AHI1: variants seen among roughly 807,000 people sequenced by gnomAD.
AHI1 encodes the protein Abelson helper integration site 1.
In AHI1, 123 loss-of-function variants were observed where a neutral mutation model predicts 149.3. The observed-to-expected ratio is 0.82, with a 90% confidence interval of 0.71 to 0.96. The LOEUF (loss-of-function observed/expected upper bound fraction) is 0.96, where lower values mean the gene tolerates loss of function less well. AHI1 is among the 40% of genes least tolerant of loss of function. AHI1 has a pLI of 0.00. For synonymous variants in AHI1, 475 were observed against 459.8 expected (o/e 1.03, Z -0.42); for missense variants, 1,439 against 1,422.7 (o/e 1.01, Z -0.18).
chr6:135,383,708 C>A (rs191658290), intron 23 of AHI1, among the ~76,000 whole-genome samples: 1 of 152,258 alleles, frequency 6.6e-6, no homozygotes, highest in Admixed American at 6.5e-5. Context: ...ATAACAACAT[C>A]ATTTTATATG....
intron 24 of AHI1, among the ~76,000 whole-genome samples, chr6:135,325,749 G>C (rs1189357180): frequency 6.6e-6 from 1 of 152,104 alleles, no homozygotes; most frequent in Non-Finnish European, 1.5e-5. Context: ...TCCTTATCCT[G>C]GGTGTGGTAC....
intron 24 of AHI1, among the ~76,000 whole-genome samples, chr6:135,352,312 A>C (rs1792242817): frequency 6.6e-6 from 1 of 152,148 alleles, no homozygotes; most frequent in East Asian, 1.9e-4. Context: ...CACATTTTCC[A>C]ATCTTCTACT....
intron 22 of AHI1, among the ~76,000 whole-genome samples, chr6:135,397,648 A>G (rs892401641): frequency 1.3e-5 from 2 of 152,096 alleles, no homozygotes; most frequent in African/African-American, 4.8e-5. Flanking sequence ...TTCATGTTAA[A>G]AAACTTGCTG....
intron 22 of AHI1, among the ~76,000 whole-genome samples, chr6:135,402,169 A>G (rs1320142275): frequency 1.3e-5 from 2 of 152,224 alleles, no homozygotes; most frequent in African/African-American, 4.8e-5. Context: ...AGAGAATACA[A>G]GTGTTGGTGA....
intron 5 of AHI1, among the ~76,000 whole-genome samples, chr6:135,475,778 C>T (rs1305903334): frequency 2.0e-5 from 3 of 152,118 alleles, no homozygotes; most frequent in African/African-American, 7.2e-5. Context: ...GCACCTTTTC[C>T]CTTTGCTGAT....
At chr6:135,446,034 C>A (rs1181314824) in intron 13 of AHI1, among the ~76,000 whole-genome samples, 1 of 151,396 alleles carries the variant, frequency 6.6e-6, no homozygotes, top group Non-Finnish European at 1.5e-5. Flanking sequence ...CCAGCCTGGG[C>A]GACAGAGCAA....
At chr6:135,442,441 T>C (rs1786452159) in intron 14 of AHI1, 141 bp downstream of exon 14, 2 of 901,332 alleles carry the variant, frequency 2.2e-6, no homozygotes, top group Middle Eastern at 3.4e-4. Flanking sequence ...AAAAGAACTT[T>C]CTTTGTTTGA....
At chr6:135,383,849 C>G (rs112811388) in intron 23 of AHI1, among the ~76,000 whole-genome samples, 1 of 152,028 alleles carries the variant, frequency 6.6e-6, no homozygotes, top group African/African-American at 2.4e-5. Flanking sequence ...AAAGTTATGC[C>G]TGGTCAAAAT....
At chr6:135,315,075 C>T (rs536860475) in intron 26 of AHI1, among the ~76,000 whole-genome samples, 1 of 152,278 alleles carries the variant, frequency 6.6e-6, no homozygotes, top group African/African-American at 2.4e-5. Context: ...TTTGTTCTAA[C>T]CTAAGAATTA....
chr6:135,343,321 T>TA (rs1304573371), intron 24 of AHI1, among the ~76,000 whole-genome samples: 3 of 151,928 alleles, frequency 2.0e-5, no homozygotes, highest in African/African-American at 7.2e-5. Context: ...TGGGAAGACT[T>TA]AATGTTTTCA....
At chr6:135,460,523 T>A (rs1789707201) in intron 8 of AHI1, among the ~76,000 whole-genome samples, 1 of 152,162 alleles carries the variant, frequency 6.6e-6, no homozygotes, top group Non-Finnish European at 1.5e-5. Context: ...TCACCCAGTC[T>A]AGATCAAAAT....
At chr6:135,460,174 C>A (rs749024167) in intron 8 of AHI1, among the ~76,000 whole-genome samples, 12 of 152,060 alleles carry the variant, frequency 7.9e-5, no homozygotes, top group African/African-American at 1.7e-4. Context: ...CAGGGCAAGA[C>A]CCTGTCTCAA....
chr6:135,442,548 A>G (rs1269877899), intron 14 of AHI1, 34 bp downstream of exon 14: 1 of 1,575,364 alleles, frequency 6.3e-7, no homozygotes, highest in Admixed American at 1.8e-5. Flanking sequence ...CACGTGGACT[A>G]CAATCAGATT....
chr6:135,461,087 T>A (rs1236139018), intron 8 of AHI1, among the ~76,000 whole-genome samples: 1 of 151,976 alleles, frequency 6.6e-6, no homozygotes, highest in Non-Finnish European at 1.5e-5. Flanking sequence ...AAATTTCTGT[T>A]TTTCAAAAGA....
At chr6:135,383,640 GA>G (rs925216703) in intron 23 of AHI1, among the ~76,000 whole-genome samples, 2 of 150,142 alleles carry the variant, frequency 1.3e-5, no homozygotes, top group African/African-American at 2.4e-5. Context: ...TGTATTATCA[GA>G]AAAAAAAAGT....
At chr6:135,392,507 TG>T (rs1195978345) in intron 23 of AHI1, among the ~76,000 whole-genome samples, 2 of 152,238 alleles carry the variant, frequency 1.3e-5, no homozygotes, top group Non-Finnish European at 2.9e-5. Context: ...TTACTAGCTC[TG>T]TGTAAATAGC....
intron 23 of AHI1, chr6:135,388,042 C>T (rs553193078): frequency 5.7e-5 from 92 of 1,613,580 alleles, no homozygotes; most frequent in Non-Finnish European, 6.7e-5. Context: ...GTCTGGAAAA[C>T]AAATTCTTGT....
chr6:135,393,951 C>G (rs1029154159), intron 23 of AHI1, among the ~76,000 whole-genome samples: 1 of 152,014 alleles, frequency 6.6e-6, no homozygotes, highest in South Asian at 2.1e-4. Flanking sequence ...GTAACCTATA[C>G]AGCAATATTA....
rs922937465 is a variant in AHI1 at position 135,464,606 on chromosome 6, T to C, written c.749+1208A>G. Reference sequence around the variant, plus strand: ...TCCAAAAAGACTGTGACTTCTGTCTTGCTCTCACTCTCTCAGAGCCCTTGG... The same window carrying C: ...TCCAAAAAGACTGTGACTTCTGTCTCGCTCTCACTCTCTCAGAGCCCTTGG... On this transcript the variant is annotated intron_variant, in intron 7 of 28. Transcript: ENST00000265602. 5.9e-5 allele frequency among the ~76,000 whole-genome samples: 9 copies of C among 152,312 alleles called. No homozygotes were observed. The East Asian group carries it at 1.5e-3, about 26-fold the overall frequency.
Sources: allele counts gnomAD v4.1 joint callset (sites outside exome capture counted in the v4.1 genomes callset), GRCh38; gene constraint gnomAD v4.1.1; transcripts MANE v1.5; gene names NCBI Gene and HGNC (gene_info 2026-07-23, HGNC 2026-07-21).